The following GCNT2 variants were observed in gnomAD, a reference collection of about 807,000 sequenced individuals.
The protein encoded by GCNT2 is N-acetyllactosaminide beta-1,6-N-acetylglucosaminyl-transferase.
Under a neutral mutation model 34.2 loss-of-function variants are expected in GCNT2, and 34 were observed. The observed-to-expected ratio is 1.00, with a 90% confidence interval of 0.76 to 1.32. The LOEUF (loss-of-function observed/expected upper bound fraction) is 1.32. Among genes scored for constraint, GCNT2 ranks in the 40% most tolerant of loss-of-function variants. The pLI, the probability that GCNT2 is intolerant of heterozygous loss-of-function variation, is 0.00. For synonymous variants in GCNT2, 212 were observed against 188.0 expected, an observed-to-expected ratio of 1.13 and a Z score of -1.04; for missense variants, 584 against 489.4, an observed-to-expected ratio of 1.19 and a Z score of -1.82.
In GCNT2 at chr6:10,529,796, C is replaced by T; in HGVS notation, c.885C>T (p.Ser295=). ...TCTCCTGGTCCAAGGACACCTACAG[C>T]CCCGACGAACATTTCTGGGTGACAC... ...DLLSWSKDTY[S]PDEHFWVTLN... is the part of the protein sequence containing the mutation. The change falls in exon 3 of 5, where the codon AGC becomes AGT. Residue 295 remains serine (S), a synonymous_variant. Coordinates refer to ENST00000495262, the MANE Select transcript of GCNT2 (RefSeq NM_145649.5). The T allele has an allele frequency of 1.2e-6, 2 of 1,614,098 alleles. No individual in the cohort carries two copies. The highest frequency in any genetic ancestry group is 1.6e-4 in the Middle Eastern group (1 of 6,062).
At chr6:10,557,483 G>T in intron 3 of GCNT2, 3 of 689,394 alleles carry the variant, frequency 4.4e-6, no homozygotes, top group Non-Finnish European at 7.4e-6. Flanking sequence ...TCTAAATGCA[G>T]AAAGATGTTC....
chr6:10,534,873 A>G (rs947044640), intron 3 of GCNT2, among the ~76,000 whole-genome samples: 2 of 152,016 alleles, frequency 1.3e-5, no homozygotes, highest in Admixed American at 6.6e-5. Flanking sequence ...AAAATGGATA[A>G]ATAAATAAGC....
At chr6:10,589,065 T>TGTAGTGTGTGG (rs1764500475) in intron 3 of GCNT2, among the ~76,000 whole-genome samples, 1 of 146,968 alleles carries the variant, frequency 6.8e-6, no homozygotes, top group African/African-American at 2.5e-5. Flanking sequence ...GTGGTGTGTG[T>TGTAGTGTGTGG]GTAGTGTGTG....
chr6:10,556,284 C>G, intron 3 of GCNT2: 1 of 1,508,744 alleles, frequency 6.6e-7, no homozygotes, highest in Admixed American at 2.1e-5. Flanking sequence ...CGGGATGAAA[C>G]GGAATCGATT....
At chr6:10,523,225 C>A (rs1761005951) in intron 1 of GCNT2, among the ~76,000 whole-genome samples, 1 of 151,840 alleles carries the variant, frequency 6.6e-6, no homozygotes, top group Non-Finnish European at 1.5e-5. Flanking sequence ...AGTTCGAGAC[C>A]AGCCTACCAG....
In GCNT2 at chr6:10,582,372, TATAATTTA is replaced by T. The variant is rs1186991951; in HGVS notation, c.926-38975_926-38968del. Reference sequence around the variant, plus strand: ...TAGTAATATTAAATATAATATATACTATAATTTAATATTTATTATATACTATAATAAAT... The same window carrying T: ...TAGTAATATTAAATATAATATATACTATATTTATTATATACTATAATAAAT... On this transcript the variant is annotated intron_variant, in intron 3 of 4. Coordinates refer to ENST00000495262, the MANE Select transcript of GCNT2 (RefSeq NM_145649.5). 8.3e-4 allele frequency among the ~76,000 whole-genome samples: 90 copies of T among 108,746 alleles called. 2 individuals are homozygous for T. Among genetic ancestry groups the T allele is most frequent in the African/African-American group, 3.8e-3 (86 of 22,860 alleles). 71.3% of individuals were successfully genotyped at this position (108,746 alleles called of 152,430 possible).
chr6:10,566,344 C>G (rs997508680), intron 3 of GCNT2, among the ~76,000 whole-genome samples: 1 of 152,144 alleles, frequency 6.6e-6, no homozygotes, highest in Non-Finnish European at 1.5e-5. Flanking sequence ...GTGACCCAGG[C>G]TGGAGTGCAG....
At chr6:10,522,137 C>T (rs1280365332) in intron 1 of GCNT2, among the ~76,000 whole-genome samples, 1 of 152,110 alleles carries the variant, frequency 6.6e-6, no homozygotes, top group Non-Finnish European at 1.5e-5. Flanking sequence ...ATCCACCTGC[C>T]TCAGCCTCCT....
At chr6:10,573,037 A>T in intron 3 of GCNT2, 1 of 235,726 alleles carries the variant, frequency 4.2e-6, no homozygotes, top group South Asian at 1.6e-4. Flanking sequence ...ACTGAAAATG[A>T]GTCCAGAATT....
chr6:10,550,392 T>C (rs1762432345), intron 3 of GCNT2, among the ~76,000 whole-genome samples: 1 of 151,934 alleles, frequency 6.6e-6, no homozygotes. Context: ...GATAGGGTCA[T>C]TGAGAAAAAA....
At chr6:10,524,565 A>AG (rs1340650652) in intron 1 of GCNT2, among the ~76,000 whole-genome samples, 3 of 152,184 alleles carry the variant, frequency 2.0e-5, no homozygotes, top group Non-Finnish European at 4.4e-5. Context: ...AATAGTGATG[A>AG]GGATAAAGCA....
At chr6:10,588,181 C>T (rs892432492) in intron 3 of GCNT2, among the ~76,000 whole-genome samples, 15 of 152,102 alleles carry the variant, frequency 9.9e-5, no homozygotes, top group Non-Finnish European at 1.5e-5. Context: ...CTGTCTCATG[C>T]GCAATTTATT....
intron 3 of GCNT2, among the ~76,000 whole-genome samples, chr6:10,560,132 A>C (rs1212210956): frequency 6.6e-6 from 1 of 152,224 alleles, no homozygotes; most frequent in Non-Finnish European, 1.5e-5. Flanking sequence ...TCTGTAGCCC[A>C]GGCTGGAGTG....
chr6:10,578,842 A>G (rs901064620), intron 3 of GCNT2, among the ~76,000 whole-genome samples: 9 of 151,946 alleles, frequency 5.9e-5, no homozygotes, highest in African/African-American at 2.2e-4. Context: ...TGTTGTTAAG[A>G]TCATCACTTT....
chr6:10,585,853 G>T (rs555722943), intron 3 of GCNT2: 2 of 1,510,890 alleles, frequency 1.3e-6, no homozygotes, highest in East Asian at 4.8e-5. Context: ...GAGGATTAAA[G>T]GATTCAGGAA....
chr6:10,563,587 C>T (rs1454121248), intron 3 of GCNT2, among the ~76,000 whole-genome samples: 3 of 150,956 alleles, frequency 2.0e-5, no homozygotes, highest in African/African-American at 7.3e-5. Flanking sequence ...ACTAAAAATA[C>T]AAAAATTAGC....
Position 10,529,838 on chromosome 6 carries a change from T to C in GCNT2, c.925+2T>C. On this transcript the variant is annotated splice_donor_variant, in intron 3 of 4. Transcript: ENST00000495262. LOFTEE classifies it high-confidence loss of function. ...GGGTGACACTCAACAGGATTCCCGG[T>C]ATGTACGTCTCTTAACTTTTATTTT... The C allele has an allele frequency of 6.2e-7, 1 of 1,608,198 alleles. No homozygotes were observed. The highest frequency in any genetic ancestry group is 8.5e-7 in the Non-Finnish European group (1 of 1,174,844).
At chr6:10,611,533 G>T (rs569737025) in intron 3 of GCNT2, among the ~76,000 whole-genome samples, 2 of 151,894 alleles carry the variant, frequency 1.3e-5, no homozygotes, top group Non-Finnish European at 2.9e-5. Flanking sequence ...GTTTCACCAT[G>T]TTGGCCAGGA....
intron 3 of GCNT2, among the ~76,000 whole-genome samples, chr6:10,620,695 A>G (rs1382784662): frequency 6.6e-6 from 1 of 152,164 alleles, no homozygotes; most frequent in Non-Finnish European, 1.5e-5. Context: ...CTTCTCTAGT[A>G]ATGATTTATA....
Sources: gnomAD v4.1 joint callset for allele counts (sites outside exome capture counted in the v4.1 genomes callset) on GRCh38, gnomAD v4.1.1 for gene constraint, MANE v1.5 for transcripts, NCBI Gene and HGNC (gene_info 2026-07-23, HGNC 2026-07-21) for gene names.